The following C4orf50 variants were observed in gnomAD, a reference collection of about 807,000 sequenced individuals.
C4orf50 encodes uncharacterized protein C4orf50.
Under a neutral mutation model 77.2 loss-of-function variants are expected in C4orf50, and 80 were observed. The ratio of observed to expected loss-of-function variants is 1.04; its 90% CI spans 0.87 to 1.25. The LOEUF (loss-of-function observed/expected upper bound fraction) is 1.25, where lower values mean the gene tolerates loss of function less well. Among genes scored for constraint, C4orf50 ranks in the 50% most tolerant of loss-of-function variants. The probability of loss-of-function intolerance (pLI) is 0.00; values close to 1 mark genes in which losing one functional copy is unlikely to be tolerated. For synonymous variants in C4orf50, 532 were observed against 465.3 expected, an observed-to-expected ratio of 1.14 and a Z score of -1.84; for missense variants, 1,257 against 1,152.9, an observed-to-expected ratio of 1.09 and a Z score of -1.31.
Position 5,989,928 on chromosome 4 carries a change from GT to G in C4orf50, c.2117del (p.Asn706ThrfsTer21). 2 of 1,426,136 alleles carry G rather than the reference GT, an allele frequency of 1.4e-6. No homozygotes were observed. The highest frequency in any genetic ancestry group is 1.8e-6 in the Non-Finnish European group (2 of 1,094,856). The allele number at this position is 1,426,136 out of a possible 1,614,324, so 88.3% of individuals were successfully genotyped here. A position where few individuals can be genotyped will look rare whatever the true frequency, so the allele number is the denominator to read the frequency against. ...GCAGAGCATTTCCAAGCCACACTTG[GT>G]TTTCCTCCTTGCCCCTAGCTGTCCT... On this transcript the variant is annotated frameshift_variant, in exon 28 of 34. Coordinates refer to ENST00000531445, the Ensembl canonical transcript of C4orf50. LOFTEE classifies it high-confidence loss of function.
intron 23 of C4orf50, 136 bp from the exon 2 acceptor site, chr4:6,012,104 G>A (rs967737392): frequency 1.0e-5 from 4 of 397,236 alleles, no homozygotes; most frequent in African/African-American, 2.1e-5. Context: ...ACAAAATTAC[G>A]TTTTGCATAA....
At chr4:6,012,202 C>T (rs944909553) in intron 23 of C4orf50, among the ~76,000 whole-genome samples, 5 of 152,202 alleles carry the variant, frequency 3.3e-5, no homozygotes, top group Admixed American at 6.5e-5. Flanking sequence ...AAATCTTCAA[C>T]GTCCTCACAC....
intron 7 of C4orf50, among the ~76,000 whole-genome samples, chr4:5,924,039 T>C (rs962183142): frequency 5.9e-5 from 9 of 152,016 alleles, no homozygotes; most frequent in Non-Finnish European, 1.0e-4. Flanking sequence ...TTTTGGACTC[T>C]GGGACCTACA....
At chr4:5,940,888 T>C (rs555819809) in intron 7 of C4orf50, among the ~76,000 whole-genome samples, 2 of 152,242 alleles carry the variant, frequency 1.3e-5, no homozygotes, top group African/African-American at 4.8e-5. Context: ...GGAGCAGAAA[T>C]GAGCATTCTA....
chr4:5,969,416 A>G (rs1281776639), intron 31 of C4orf50, among the ~76,000 whole-genome samples: 3 of 148,920 alleles, frequency 2.0e-5, no homozygotes, highest in Non-Finnish European at 4.4e-5. Flanking sequence ...CCGCAACTAG[A>G]TCTCATTGAC....
intron 31 of C4orf50, among the ~76,000 whole-genome samples, chr4:5,971,631 C>G (rs923215595): frequency 1.3e-5 from 2 of 152,204 alleles, no homozygotes; most frequent in African/African-American, 2.4e-5. Context: ...TCTGGGCTCT[C>G]AAGTGACAGA....
intron 7 of C4orf50, among the ~76,000 whole-genome samples, chr4:5,913,862 A>C (rs1716915015): frequency 6.6e-6 from 1 of 152,238 alleles, no homozygotes; most frequent in Non-Finnish European, 1.5e-5. Flanking sequence ...CAGCTTTAAA[A>C]ATGTTTATTC....
exon 28 of C4orf50, chr4:5,989,824 C>G (rs1296510898): frequency 1.3e-6 from 2 of 1,482,790 alleles, no homozygotes; most frequent in Non-Finnish European, 1.8e-6. Context: ...ACCCCTGCAC[C>G]CCAGACCGGA....
At position 5,975,139 on chromosome 4, in the gene C4orf50, CAAAAAAAAAA is replaced by C. The variant is rs763836859; in HGVS notation, c.3921+750_3921+759del. On this transcript the variant is annotated intron_variant, in intron 30 of 33. Coordinates refer to ENST00000531445, the Ensembl canonical transcript of C4orf50. ...TGGGCGACAGAGTGACACTCCATCT[CAAAAAAAAAA>C]AAAAAAAAAAAAAAAAAAAAAAAAA... 3.7e-4 allele frequency among the ~76,000 whole-genome samples: 31 copies of C among 82,844 alleles called. No individual in the cohort carries two copies. In the South Asian group the frequency reaches 3.9e-3, roughly 10 times the overall value. 54.3% of individuals were successfully genotyped at this position (82,844 alleles called of 152,430 possible). A position where few individuals can be genotyped will look rare whatever the true frequency, so the allele number is the denominator to read the frequency against.
chr4:5,928,500 T>C (rs1468634136), intron 7 of C4orf50, among the ~76,000 whole-genome samples: 1 of 152,150 alleles, frequency 6.6e-6, no homozygotes, highest in Non-Finnish European at 1.5e-5. Context: ...CAAGTGCTTA[T>C]GGAAACCAGG....
At chr4:5,980,398 G>A in intron 28 of C4orf50, 60 bp from the exon 7 acceptor site, 2 of 1,500,802 alleles carry the variant, frequency 1.3e-6, no homozygotes, top group Non-Finnish European at 1.8e-6. Context: ...ATTTGCCTTA[G>A]CCAACAAACG....
At chr4:5,962,984 TTC>T (rs1344943682) in intron 33 of C4orf50, among the ~76,000 whole-genome samples, 1 of 75,964 alleles carries the variant, frequency 1.3e-5, no homozygotes, top group Non-Finnish European at 2.8e-5. Flanking sequence ...AAATATTTTC[TTC>T]TTTTTTTTCT....
rs1722379451 is a variant in C4orf50 at position 6,009,084 on chromosome 4, G to C, written c.427-552C>G. Among the ~76,000 whole-genome samples, 1 of 152,204 alleles carries C rather than the reference G, an allele frequency of 6.6e-6. No individual in the cohort carries two copies. Among genetic ancestry groups the C allele is most frequent in the African/African-American group, 2.4e-5 (1 of 41,448 alleles). On this transcript the variant is annotated intron_variant, in intron 24 of 33. Coordinates refer to ENST00000531445, the Ensembl canonical transcript of C4orf50. The surrounding 1 kb of genome is among the most constrained non-coding windows in gnomAD (Gnocchi z 5.6). ...CTGGAGGGAGGTACGTTACTAGCCTGAGAGACACTCAGGAGTGACTTGCAT... is the reference window on the plus strand; with the variant it reads ...CTGGAGGGAGGTACGTTACTAGCCTCAGAGACACTCAGGAGTGACTTGCAT...
chr4:6,016,083 G>A (rs1722674231), intron 23 of C4orf50, among the ~76,000 whole-genome samples: 1 of 152,150 alleles, frequency 6.6e-6, no homozygotes, highest in African/African-American at 2.4e-5. Context: ...CATCTTACTT[G>A]TGTTTTTTTG....
At chr4:6,013,031 C>T (rs1215410358) in intron 23 of C4orf50, among the ~76,000 whole-genome samples, 2 of 152,260 alleles carry the variant, frequency 1.3e-5, no homozygotes, top group Admixed American at 6.5e-5. Context: ...CTCTGCCATT[C>T]ACCAGCCATG....
intron 7 of C4orf50, among the ~76,000 whole-genome samples, chr4:5,949,166 C>T (rs866534122): frequency 2.7e-4 from 41 of 152,262 alleles, no homozygotes; most frequent in Middle Eastern, 3.4e-3. Flanking sequence ...AGCAGCAAGA[C>T]CCCCGCCCTG....
At chr4:5,975,782 C>A in intron 30 of C4orf50, 117 bp downstream of exon 8, 1 of 792,626 alleles carries the variant, frequency 1.3e-6, no homozygotes, top group South Asian at 1.5e-5. Context: ...AGCCACCGTG[C>A]CTGGCCCTAC....
chr4:5,957,262 G>A (rs1168163514), exon 34 of C4orf50: 2 of 152,288 alleles, frequency 1.3e-5, no homozygotes, highest in African/African-American at 2.4e-5. Context: ...GACGACGGAC[G>A]TCTGAGCTCC....
At position 6,008,689 on chromosome 4, in the gene C4orf50, T is replaced by C. The variant is rs775728638; in HGVS notation, c.427-157A>G. Among the ~76,000 whole-genome samples, 2 of 152,240 alleles carry C rather than the reference T, an allele frequency of 1.3e-5. No individual in the cohort carries two copies. Among genetic ancestry groups the C allele is most frequent in the Non-Finnish European group, 2.9e-5 (2 of 68,046 alleles). On this transcript the variant is annotated intron_variant, in intron 24 of 33. Coordinates refer to ENST00000531445, the Ensembl canonical transcript of C4orf50. The surrounding 1 kb of genome is among the most constrained non-coding windows in gnomAD (Gnocchi z 6.0). The stretch of plus-strand genomic sequence containing the variant: ...TGCATCAAAGTATTATCTCTTTGAC[T>C]GTTTTGGCATCCTCTTAAATTTTGC...
Sources: allele counts gnomAD v4.1 joint callset (sites outside exome capture counted in the v4.1 genomes callset), GRCh38; gene constraint gnomAD v4.1.1; non-coding constraint Gnocchi (gnomAD v3.1); transcripts MANE v1.5; gene names NCBI Gene and HGNC (gene_info 2026-07-23, HGNC 2026-07-21).